ASTN2: variants seen among roughly 807,000 people sequenced by gnomAD.
ASTN2 encodes the protein astrotactin 2.
In ASTN2, 54 loss-of-function variants were observed where a neutral mutation model predicts 139.8. The observed-to-expected ratio is 0.39, with a 90% CI of 0.31 to 0.48. The LOEUF is 0.48. Ranked by LOEUF, ASTN2 falls within the 20% of genes least tolerant of loss-of-function variation. ASTN2 has a pLI of 0.95. For synonymous variants in ASTN2, 756 were observed against 719.5 expected (o/e 1.05, Z -0.81); for missense variants, 1,565 against 1,725.1 (o/e 0.91, Z 1.64).
intron 11 of ASTN2, among the ~76,000 whole-genome samples, chr9:116,831,024 G>A (rs1428311301): frequency 6.7e-6 from 1 of 149,550 alleles, no homozygotes; most frequent in African/African-American, 2.4e-5. Context: ...AAAAAAGAAT[G>A]AAATCATGTC....
intron 11 of ASTN2, among the ~76,000 whole-genome samples, chr9:116,858,989 T>G (rs2132333844): frequency 6.6e-6 from 1 of 152,270 alleles, no homozygotes; most frequent in East Asian, 1.9e-4. Flanking sequence ...GTTGGCAGGG[T>G]TGCATTCCTT....
intron 10 of ASTN2, among the ~76,000 whole-genome samples, chr9:116,895,355 C>A (rs1331812130): frequency 6.6e-6 from 1 of 152,122 alleles, no homozygotes; most frequent in Non-Finnish European, 1.5e-5. Context: ...CTGAAAAAGT[C>A]AGAAATCTGA....
intron 3 of ASTN2, among the ~76,000 whole-genome samples, chr9:117,211,279 C>A (rs973332570): frequency 6.6e-6 from 1 of 152,164 alleles, no homozygotes; most frequent in Admixed American, 6.6e-5. Flanking sequence ...TCTACCTAAA[C>A]GTCTTAGAAA....
chr9:117,181,069 T>C, intron 3 of ASTN2: 1 of 1,354,848 alleles, frequency 7.4e-7, no homozygotes, highest in Non-Finnish European at 1.0e-6. Context: ...CTGAAAGGCC[T>C]GTTTCCATGG....
chr9:116,494,476 C>A (rs1486661205), intron 19 of ASTN2, among the ~76,000 whole-genome samples: 5 of 152,090 alleles, frequency 3.3e-5, no homozygotes, highest in African/African-American at 1.2e-4. Context: ...TGCATTACAT[C>A]ATATCTAACT....
chr9:116,679,467 A>T (rs1181679773), intron 16 of ASTN2, among the ~76,000 whole-genome samples: 1 of 152,102 alleles, frequency 6.6e-6, no homozygotes, highest in African/African-American at 2.4e-5. Context: ...AACTCCTATA[A>T]TTCTAATATG....
At chr9:117,319,593 AT>A (rs3041177) in intron 1 of ASTN2, among the ~76,000 whole-genome samples, 26,796 of 143,166 alleles carry the variant, frequency 0.19, 2,938 homozygotes, top group Non-Finnish European at 0.26. Flanking sequence ...ATGCCCAGCA[AT>A]TTTTTTTTTT....
Position 116,730,043 on chromosome 9 carries a change from T to C in ASTN2, c.2522-947A>G, listed in dbSNP as rs564321931. Among the ~76,000 whole-genome samples the C allele has an allele frequency of 7.2e-5, 11 of 152,358 alleles. No individual in the cohort carries two copies. In the East Asian group the frequency reaches 1.3e-3, roughly 19 times the overall value. On this transcript the variant is annotated intron_variant, in intron 14 of 22. Transcript: ENST00000313400. Reference sequence around the variant, plus strand: ...TGAAAAATTCTTGTTTTCTGACTTATATTCACATCTATTTTCTAAATTTTC... The same window carrying C: ...TGAAAAATTCTTGTTTTCTGACTTACATTCACATCTATTTTCTAAATTTTC...
chr9:116,616,133 T>G (rs751343431), intron 19 of ASTN2, among the ~76,000 whole-genome samples: 1 of 152,224 alleles, frequency 6.6e-6, no homozygotes, highest in Non-Finnish European at 1.5e-5. Flanking sequence ...TGTCTCTGTA[T>G]GCAGATGACA....
At chr9:116,477,249 C>A (rs546303461) in intron 20 of ASTN2, among the ~76,000 whole-genome samples, 1 of 152,130 alleles carries the variant, frequency 6.6e-6, no homozygotes, top group Non-Finnish European at 1.5e-5. Context: ...TTGGGATGCA[C>A]GGCTGTATTT....
chr9:117,376,440 A>C (rs1375670658), intron 1 of ASTN2, among the ~76,000 whole-genome samples: 1 of 152,234 alleles, frequency 6.6e-6, no homozygotes, highest in East Asian at 1.9e-4. Context: ...AATCCTTATG[A>C]ATGATTTTAA....
At chr9:116,632,257 G>GA (rs1856839153) in intron 17 of ASTN2, among the ~76,000 whole-genome samples, 1 of 100,430 alleles carries the variant, frequency 1.0e-5, no homozygotes, top group South Asian at 2.7e-4. Context: ...AAGAAGGAAA[G>GA]AAAGAAAGAA....
At chr9:117,339,645 G>A (rs867462445) in intron 1 of ASTN2, among the ~76,000 whole-genome samples, 3 of 152,178 alleles carry the variant, frequency 2.0e-5, no homozygotes, top group Non-Finnish European at 2.9e-5. Context: ...TACGATTAAT[G>A]TCAGGCCTCT....
At chr9:116,734,617 T>C (rs1275560474) in intron 13 of ASTN2, among the ~76,000 whole-genome samples, 2 of 152,134 alleles carry the variant, frequency 1.3e-5, no homozygotes, top group African/African-American at 4.8e-5. Context: ...AGGAGGAAGA[T>C]GTTTATTACT....
At position 116,734,983 on chromosome 9, in the gene ASTN2, G is replaced by A. The variant is rs1373330460; in HGVS notation, c.2397-1460C>T. Among the ~76,000 whole-genome samples, 3 of 152,142 alleles carry A rather than the reference G, an allele frequency of 2.0e-5. No individual in the cohort carries two copies. In the East Asian group the frequency reaches 5.8e-4, roughly 29 times the overall value. ...AATCTTTATAATTTGCTAGGATCTAGCTAAATACTTTACATACATTTTATC... is the reference window on the plus strand; with the variant it reads ...AATCTTTATAATTTGCTAGGATCTAACTAAATACTTTACATACATTTTATC... On this transcript the variant is annotated intron_variant, in intron 13 of 22. Transcript: ENST00000313400.
chr9:117,362,378 CA>C (rs1334707581), intron 1 of ASTN2, among the ~76,000 whole-genome samples: 8 of 151,564 alleles, frequency 5.3e-5, no homozygotes, highest in Non-Finnish European at 1.0e-4. Context: ...CGGAAAAAAT[CA>C]AAACCTGTGT....
At chr9:116,819,119 T>G (rs1182510203) in intron 12 of ASTN2, among the ~76,000 whole-genome samples, 1 of 152,204 alleles carries the variant, frequency 6.6e-6, no homozygotes, top group Non-Finnish European at 1.5e-5. Flanking sequence ...TGTAATGTGC[T>G]GTGGATGGAA....
Position 116,737,467 on chromosome 9 carries a change from A to ATGTGTGTGTG in ASTN2, c.2397-3954_2397-3945dup, listed in dbSNP as rs72243746. On this transcript the variant is annotated intron_variant, in intron 13 of 22. Transcript: ENST00000313400. ...TTAGCGCTCGTGTGTGTGTGTGTGA[A>ATGTGTGTGTG]TGTGTGTGTGTGTGTGTGTGTGTGT... is the stretch of plus-strand genomic sequence containing the variant. Among the ~76,000 whole-genome samples, 45 of 148,264 alleles carry ATGTGTGTGTG rather than the reference A, an allele frequency of 3.0e-4. No individual in the cohort carries two copies. The East Asian group carries it at 4.9e-3, about 16-fold the overall frequency.
At position 117,059,803 on chromosome 9, in the gene ASTN2, A is replaced by T. The variant is rs11789733; in HGVS notation, c.1277-19838T>A. 1.5e-3 allele frequency among the ~76,000 whole-genome samples: 233 copies of T among 152,266 alleles called. 1 individual carries two copies. Among genetic ancestry groups the T allele is most frequent in the Non-Finnish European group, 2.0e-3 (137 of 68,014 alleles). On this transcript the variant is annotated intron_variant, in intron 5 of 22. Coordinates refer to ENST00000313400, the MANE Select transcript of ASTN2 (RefSeq NM_001365068.1). ...TTGTTTACTTATTCTCTAATCAACA[A>T]ATACTTATAAAGTTTCCATATTTCC...
Sources: gnomAD v4.1 joint callset for allele counts (sites outside exome capture counted in the v4.1 genomes callset) on GRCh38, gnomAD v4.1.1 for gene constraint, MANE v1.5 for transcripts, NCBI Gene and HGNC (gene_info 2026-07-23, HGNC 2026-07-21) for gene names.